Variants in ST3GAL3 observed in about 807,000 individuals in gnomAD.
The protein encoded by ST3GAL3 is CMP-N-acetylneuraminate-beta-1,4-galactoside alpha-2,3-sialyltransferase.
Under a neutral mutation model 50.1 loss-of-function variants are expected in ST3GAL3, and 21 were observed. The observed-to-expected ratio is 0.42, with a 90% CI of 0.30 to 0.60. The LOEUF is 0.60. ST3GAL3 is among the 20% of genes least tolerant of loss of function. The probability of loss-of-function intolerance (pLI) is 0.19; values close to 1 mark genes in which losing one functional copy is unlikely to be tolerated. For synonymous variants in ST3GAL3, 183 were observed against 190.0 expected, an observed-to-expected ratio of 0.96 and a Z score of 0.30; for missense variants, 353 against 489.4, an observed-to-expected ratio of 0.72 and a Z score of 2.63.
intron 2 of ST3GAL3, among the ~76,000 whole-genome samples, chr1:43,751,765 A>C (rs1404588446): frequency 1.3e-5 from 2 of 152,018 alleles, no homozygotes; most frequent in African/African-American, 4.8e-5. Context: ...GGCCTGTCCT[A>C]CTCTCATGGT....
intron 2 of ST3GAL3, among the ~76,000 whole-genome samples, chr1:43,774,026 A>G (rs1023450816): frequency 3.3e-5 from 5 of 152,256 alleles, no homozygotes; most frequent in Admixed American, 6.5e-5. Context: ...AGGCAGTCAC[A>G]TGAGAAAACA....
intron 5 of ST3GAL3, among the ~76,000 whole-genome samples, chr1:43,880,508 C>A (rs1011547087): frequency 6.6e-6 from 1 of 151,802 alleles, no homozygotes; most frequent in Non-Finnish European, 1.5e-5. Context: ...TCCACTGTTA[C>A]GCTGGCTGTC....
chr1:43,831,479 C>CT (rs1402273117), intron 4 of ST3GAL3, among the ~76,000 whole-genome samples: 2 of 152,228 alleles, frequency 1.3e-5, no homozygotes, highest in African/African-American at 4.8e-5. Context: ...ACCACCAACT[C>CT]TTTCTGTTCA....
intron 5 of ST3GAL3, chr1:43,858,258 G>T (rs2069010335): frequency 2.3e-6 from 3 of 1,288,904 alleles, no homozygotes; most frequent in Admixed American, 4.6e-5. Flanking sequence ...ATGAGAGATT[G>T]ACTGGGGAGA....
chr1:43,711,430 T>C (rs552695504), intron 1 of ST3GAL3, among the ~76,000 whole-genome samples: 33 of 152,348 alleles, frequency 2.2e-4, no homozygotes, highest in African/African-American at 7.0e-4. Context: ...TGCCTAACTT[T>C]AAAGAAGGTT....
chr1:43,790,033 A>T (rs2057851158), intron 2 of ST3GAL3, among the ~76,000 whole-genome samples: 1 of 152,156 alleles, frequency 6.6e-6, no homozygotes, highest in African/African-American at 2.4e-5. Flanking sequence ...AAGCATATGG[A>T]TCTATCTTTA....
chr1:43,902,725 G>A (rs1027531974), intron 9 of ST3GAL3, among the ~76,000 whole-genome samples: 6 of 152,224 alleles, frequency 3.9e-5, no homozygotes, highest in Non-Finnish European at 8.8e-5. Context: ...GAGGAAGGGT[G>A]GAGCCAGGGA....
At chr1:43,863,622 T>C (rs1194711298) in intron 5 of ST3GAL3, among the ~76,000 whole-genome samples, 2 of 152,106 alleles carry the variant, frequency 1.3e-5, no homozygotes, top group Non-Finnish European at 2.9e-5. Context: ...AAAGAATGGG[T>C]TGGGGAAAGC....
intron 5 of ST3GAL3, chr1:43,851,053 A>G (rs2067203157): frequency 1.2e-6 from 1 of 851,312 alleles, no homozygotes; most frequent in Non-Finnish European, 2.0e-6. Flanking sequence ...GATATGTGCC[A>G]TGTCCACCAT....
intron 2 of ST3GAL3, among the ~76,000 whole-genome samples, chr1:43,778,118 TC>T (rs1351534589): frequency 6.6e-6 from 1 of 152,128 alleles, no homozygotes; most frequent in African/African-American, 2.4e-5. Context: ...TGAGATCATG[TC>T]CTCTGCAGGG....
intron 2 of ST3GAL3, among the ~76,000 whole-genome samples, chr1:43,760,597 A>C (rs574523181): frequency 6.6e-6 from 1 of 152,324 alleles, no homozygotes; most frequent in East Asian, 1.9e-4. Context: ...CTACTAAAAA[A>C]TACAAAAAAT....
intron 9 of ST3GAL3, chr1:43,912,510 G>C (rs1482602385): frequency 1.3e-5 from 2 of 152,210 alleles, no homozygotes; most frequent in Admixed American, 6.6e-5. Flanking sequence ...ATTTGTGCAG[G>C]GATGTGAATA....
chr1:43,785,514 C>T (rs943158323), intron 2 of ST3GAL3, among the ~76,000 whole-genome samples: 13 of 152,184 alleles, frequency 8.5e-5, no homozygotes, highest in Non-Finnish European at 1.0e-4. Context: ...AACCAAACCT[C>T]AAGGCCTCAT....
chr1:43,840,109 G>T (rs2065126994), intron 5 of ST3GAL3: 1 of 150,706 alleles, frequency 6.6e-6, no homozygotes, highest in African/African-American at 2.4e-5. Context: ...GCTCACTGCA[G>T]CCTTGACCTC....
At chr1:43,843,893 G>A (rs1157625096) in intron 5 of ST3GAL3, among the ~76,000 whole-genome samples, 4 of 152,132 alleles carry the variant, frequency 2.6e-5, no homozygotes, top group Non-Finnish European at 5.9e-5. Flanking sequence ...GTTGACGGCC[G>A]AACAAGACTA....
intron 5 of ST3GAL3, among the ~76,000 whole-genome samples, chr1:43,857,636 C>CTTCCTTCCTTCCTTCCT (rs1558606445): frequency 6.8e-6 from 1 of 147,062 alleles, no homozygotes; most frequent in Non-Finnish European, 1.5e-5. Context: ...TCCTTCCTTC[C>CTTCCTTCCTTCCTTCCT]TCGGAGTCTT....
intron 2 of ST3GAL3, among the ~76,000 whole-genome samples, chr1:43,775,631 G>A (rs988445444): frequency 1.3e-5 from 2 of 152,134 alleles, no homozygotes; most frequent in African/African-American, 4.8e-5. Context: ...ACATCTGTGA[G>A]CCTCCAGTTT....
intron 1 of ST3GAL3, among the ~76,000 whole-genome samples, chr1:43,708,465 T>C (rs554025711): frequency 1.3e-5 from 2 of 152,262 alleles, no homozygotes; most frequent in Admixed American, 6.5e-5. Context: ...TACTGTGAAT[T>C]ATAGATAGCT....
chr1:43,880,259 C>G (rs1207617630), intron 5 of ST3GAL3, among the ~76,000 whole-genome samples: 2 of 152,062 alleles, frequency 1.3e-5, no homozygotes, highest in Non-Finnish European at 2.9e-5. Context: ...GGTGACTGTC[C>G]CAAATCTTTC....
Sources: gnomAD v4.1 joint callset for allele counts (sites outside exome capture counted in the v4.1 genomes callset) on GRCh38, gnomAD v4.1.1 for gene constraint, MANE v1.5 for transcripts, NCBI Gene and HGNC (gene_info 2026-07-23, HGNC 2026-07-21) for gene names.